The following COL28A1 variants were observed in gnomAD, a reference collection of about 807,000 sequenced individuals.
COL28A1 encodes collagen alpha-1(XXVIII) chain.
COL28A1 carries 161 observed loss-of-function variants against 150.2 expected under a neutral mutation model. The ratio of observed to expected loss-of-function variants is 1.07; its 90% CI spans 0.94 to 1.22. COL28A1 has a LOEUF of 1.22. COL28A1 is among the 50% of genes most tolerant of loss of function. The pLI, the probability that COL28A1 is intolerant of heterozygous loss-of-function variation, is 0.00. For missense variants in COL28A1, 1,617 were observed against 1,388.3 expected, an observed-to-expected ratio of 1.16 and a Z score of -2.62; for synonymous variants, 552 against 469.7, an observed-to-expected ratio of 1.18 and a Z score of -2.26.
At chr7:7,444,301 T>C in intron 19 of COL28A1, 117 bp downstream of exon 19, 1 of 1,405,738 alleles carries the variant, frequency 7.1e-7, no homozygotes, top group Admixed American at 2.2e-5. Flanking sequence ...TTGTGAGATA[T>C]TTTTTCTTAA....
Position 7,463,157 on chromosome 7 carries a change from T to C in COL28A1, c.1303-7045A>G, listed in dbSNP as rs151012967. On this transcript the variant is annotated intron_variant, in intron 15 of 34. Coordinates refer to ENST00000399429, the MANE Select transcript of COL28A1 (RefSeq NM_001037763.3). Reference sequence around the variant, plus strand: ...TCCCCACCCCTGCTAGAGAACTAGATATCAAAATACAAGAAGCTCAAAGAA... The same window carrying C: ...TCCCCACCCCTGCTAGAGAACTAGACATCAAAATACAAGAAGCTCAAAGAA... Among the ~76,000 whole-genome samples the C allele has an allele frequency of 4.7e-3, 709 of 152,108 alleles. 5 individuals carry two copies. The highest frequency in any genetic ancestry group is 0.022 in the East Asian group (115 of 5,168).
intron 11 of COL28A1, among the ~76,000 whole-genome samples, chr7:7,504,360 G>C (rs1162443058): frequency 6.6e-6 from 1 of 152,114 alleles, no homozygotes; most frequent in Non-Finnish European, 1.5e-5. Flanking sequence ...ATTTAGCCAG[G>C]CACAGTGGTA....
the COL28A1 span, among the ~76,000 whole-genome samples, chr7:7,348,843 G>C: frequency 6.6e-6 from 1 of 152,008 alleles, no homozygotes; most frequent in Non-Finnish European, 1.5e-5. Context: ...CCTGGGCTCA[G>C]GTGAGCCTTC....
intron 3 of COL28A1, among the ~76,000 whole-genome samples, chr7:7,530,949 C>T (rs1782314328): frequency 6.6e-6 from 1 of 152,140 alleles, no homozygotes; most frequent in South Asian, 2.1e-4. Flanking sequence ...AATACCTGTA[C>T]AGATGTGGAA....
At chr7:7,498,420 G>A (rs892045731) in intron 11 of COL28A1, among the ~76,000 whole-genome samples, 4 of 152,148 alleles carry the variant, frequency 2.6e-5, no homozygotes, top group Non-Finnish European at 4.4e-5. Context: ...GTATATGACA[G>A]CGTGATAATG....
rs1038633472 is a variant in COL28A1 at position 7,403,659 on chromosome 7, G to A, written c.2136+14200C>T. Among the ~76,000 whole-genome samples, 3 of 152,106 alleles carry A rather than the reference G, an allele frequency of 2.0e-5. No homozygotes were observed. The East Asian group carries it at 5.8e-4, about 29-fold the overall frequency. On this transcript the variant is annotated intron_variant, in intron 27 of 34. Coordinates refer to ENST00000399429, the MANE Select transcript of COL28A1 (RefSeq NM_001037763.3). ...AATGTGACTTATAATGTCTCAGCAC[G>A]TAATATTTATAGACTAAGGTGATAG... is the stretch of plus-strand genomic sequence containing the variant.
At chr7:7,379,208 A>G (rs1430650553) in intron 30 of COL28A1, among the ~76,000 whole-genome samples, 1 of 152,216 alleles carries the variant, frequency 6.6e-6, no homozygotes, top group Admixed American at 6.5e-5. Context: ...GTACTAGGTA[A>G]GGAGCCTAAC....
At chr7:7,388,851 GT>G (rs957978886) in intron 27 of COL28A1, among the ~76,000 whole-genome samples, 16 of 152,120 alleles carry the variant, frequency 1.1e-4, no homozygotes, top group Admixed American at 8.5e-4. Context: ...TGATGGGGTT[GT>G]TTTTTTCTTG....
chr7:7,524,161 T>C, intron 4 of COL28A1, 68 bp downstream of exon 4: 1 of 868,926 alleles, frequency 1.2e-6, no homozygotes, highest in Non-Finnish European at 2.0e-6. Context: ...CTAATGTGAA[T>C]TATAATGCTG....
the COL28A1 span, among the ~76,000 whole-genome samples, chr7:7,343,504 T>C: frequency 6.6e-6 from 1 of 152,132 alleles, no homozygotes. Context: ...TATGTGTTAC[T>C]TATTTTAAAA....
intron 14 of COL28A1, among the ~76,000 whole-genome samples, chr7:7,476,005 C>G (rs1421677305): frequency 6.6e-6 from 1 of 152,140 alleles, no homozygotes; most frequent in African/African-American, 2.4e-5. Flanking sequence ...TGTTTTCCCT[C>G]TAGTAGAGAT....
At chr7:7,403,921 CTTT>C (rs1783357289) in intron 27 of COL28A1, among the ~76,000 whole-genome samples, 1 of 152,034 alleles carries the variant, frequency 6.6e-6, no homozygotes, top group South Asian at 2.1e-4. Flanking sequence ...AGATAAAAAC[CTTT>C]TCCTAAGAAG....
intron 17 of COL28A1, among the ~76,000 whole-genome samples, 157 bp downstream of exon 17, chr7:7,453,283 T>C (rs1410509452): frequency 6.6e-6 from 1 of 152,240 alleles, no homozygotes; most frequent in African/African-American, 2.4e-5. Flanking sequence ...TATTACATTT[T>C]CTAAATTGTC....
chr7:7,505,056 C>G (rs57136349), intron 11 of COL28A1, among the ~76,000 whole-genome samples: 2,199 of 152,298 alleles, frequency 0.014, 47 homozygotes, highest in African/African-American at 0.05. Flanking sequence ...CCAGTTGAAG[C>G]CTAAGCACAT....
intron 11 of COL28A1, among the ~76,000 whole-genome samples, chr7:7,502,919 G>C (rs1385419581): frequency 2.1e-5 from 1 of 46,848 alleles, no homozygotes; most frequent in African/African-American, 4.7e-4. Context: ...GGATGGTCTC[G>C]ATCTCCTGAC....
At chr7:7,531,988 T>C in intron 2 of COL28A1, 84 bp from the exon 3 acceptor site, 1 of 769,670 alleles carries the variant, frequency 1.3e-6, no homozygotes, top group Non-Finnish European at 2.2e-6. Context: ...AAGTGGTGTG[T>C]TGTATATTGT....
intron 18 of COL28A1, among the ~76,000 whole-genome samples, chr7:7,449,383 A>C (rs1050553398): frequency 9.9e-5 from 15 of 152,104 alleles, no homozygotes; most frequent in Non-Finnish European, 1.5e-5. Flanking sequence ...TTTTGGTACA[A>C]CCAAAAAAGA....
At chr7:7,449,441 C>T (rs1358961224) in intron 18 of COL28A1, among the ~76,000 whole-genome samples, 2 of 151,684 alleles carry the variant, frequency 1.3e-5, no homozygotes, top group African/African-American at 2.4e-5. Context: ...AAACTTTCAG[C>T]AAACATCACA....
At chr7:7,342,296 A>C in the COL28A1 span, among the ~76,000 whole-genome samples, 1 of 152,184 alleles carries the variant, frequency 6.6e-6, no homozygotes, top group Non-Finnish European at 1.5e-5. Context: ...TATTTTGTCC[A>C]TATTTTTATT....
Sources: allele counts gnomAD v4.1 joint callset (sites outside exome capture counted in the v4.1 genomes callset), GRCh38; gene constraint gnomAD v4.1.1; transcripts MANE v1.5; gene names NCBI Gene and HGNC (gene_info 2026-07-23, HGNC 2026-07-21).